Variants in CHODL observed in about 807,000 individuals in gnomAD.
The protein encoded by CHODL is transmembrane protein MT75.
Under a neutral mutation model 34.5 loss-of-function variants are expected in CHODL, and 29 were observed. The observed-to-expected ratio is 0.84, with a 90% CI of 0.63 to 1.15. The LOEUF is 1.15. Ranked by LOEUF, CHODL falls within the 50% of genes most tolerant of loss-of-function variation. CHODL has a pLI of 0.00. For missense variants in CHODL, 332 were observed against 332.5 expected (o/e 1.00, Z 0.01); for synonymous variants, 125 against 116.1 (o/e 1.08, Z -0.49).
chr21:17,977,540 T>G (rs2063673840), intron 1 of CHODL, among the ~76,000 whole-genome samples: 1 of 150,910 alleles, frequency 6.6e-6, no homozygotes, highest in African/African-American at 2.4e-5. Flanking sequence ...TTTTGTATTT[T>G]TAGTAGAGAG....
intron 2 of CHODL, among the ~76,000 whole-genome samples, chr21:18,174,123 G>GTATATATATATATA (rs1159511070): frequency 3.7e-4 from 8 of 21,554 alleles, no homozygotes; most frequent in Non-Finnish European, 5.7e-4. Context: ...ATATCTTGGT[G>GTATATATATATATA]TATATATATA....
At chr21:18,240,096 T>A (rs1441133899), upstream of CHODL, among the ~76,000 whole-genome samples, 1 of 152,072 alleles carries the variant, frequency 6.6e-6, no homozygotes, top group Non-Finnish European at 1.5e-5. Flanking sequence ...TTAACATACG[T>A]ATTGTTTTTC....
intron 1 of CHODL, among the ~76,000 whole-genome samples, chr21:17,995,315 G>T (rs1444815021): frequency 6.6e-6 from 1 of 152,170 alleles, no homozygotes; most frequent in South Asian, 2.1e-4. Flanking sequence ...GGGCCATGGG[G>T]CTCTCCTGTG....
At position 17,938,488 on chromosome 21, in the gene CHODL, TTTTTTA is replaced by T. The variant is rs2063335253; in HGVS notation, c.-145+21089_-145+21094del. On this transcript the variant is annotated intron_variant, in intron 1 of 6. Transcript: ENST00000400127. ...TTTTTTTTTTTTTTTTTTTTTTTTT[TTTTTTA>T]AGGAAAGGGAGTCTCGCTCCATCGC... is the stretch of plus-strand genomic sequence containing the variant. 1.7e-3 allele frequency among the ~76,000 whole-genome samples: 3 copies of T among 1,750 alleles called. 1 individual carries two copies. The highest frequency in any genetic ancestry group is 4.9e-3 in the Admixed American group (1 of 206). The allele number at this position is 1,750 out of a possible 152,430, so 1.1% of individuals were successfully genotyped here.
At chr21:18,058,748 C>T (rs1039227892) in intron 2 of CHODL, among the ~76,000 whole-genome samples, 3 of 152,138 alleles carry the variant, frequency 2.0e-5, no homozygotes, top group Non-Finnish European at 4.4e-5. Context: ...TCATGAGCAT[C>T]TAACATTCTC....
chr21:17,992,381 C>G (rs377628569), intron 1 of CHODL, among the ~76,000 whole-genome samples: 1 of 152,080 alleles, frequency 6.6e-6, no homozygotes, highest in African/African-American at 2.4e-5. Flanking sequence ...TACATTGAAT[C>G]TGTAGATTGC....
chr21:18,204,330 T>C (rs570625162), intron 2 of CHODL, among the ~76,000 whole-genome samples: 35 of 152,266 alleles, frequency 2.3e-4, no homozygotes, highest in African/African-American at 8.2e-4. Flanking sequence ...ACAAATTAAT[T>C]TTTAAAACTT....
chr21:17,931,849 TC>T (rs557796606), intron 1 of CHODL, among the ~76,000 whole-genome samples: 201 of 151,898 alleles, frequency 1.3e-3, no homozygotes, highest in Non-Finnish European at 2.5e-3. Context: ...ACTATGAAAA[TC>T]CTCGAAGAAA....
chr21:18,122,829 G>A (rs183683591), intron 2 of CHODL, among the ~76,000 whole-genome samples: 74 of 152,202 alleles, frequency 4.9e-4, no homozygotes, highest in African/African-American at 1.5e-3. Context: ...TAGTTTGTCC[G>A]TCAGTTTAAA....
intron 1 of CHODL, among the ~76,000 whole-genome samples, chr21:17,948,142 C>T (rs1210785785): frequency 6.6e-6 from 1 of 151,932 alleles, no homozygotes; most frequent in East Asian, 1.9e-4. Flanking sequence ...ACATTGGAAA[C>T]TACAAAAGGT....
At chr21:18,159,234 A>G (rs1052835054) in intron 2 of CHODL, among the ~76,000 whole-genome samples, 17 of 152,350 alleles carry the variant, frequency 1.1e-4, no homozygotes, top group Admixed American at 4.6e-4. Flanking sequence ...CAAAATGTCA[A>G]TATCATCAAG....
intron 2 of CHODL, among the ~76,000 whole-genome samples, chr21:18,041,522 G>C (rs759372087): frequency 6.6e-6 from 1 of 151,582 alleles, no homozygotes; most frequent in Non-Finnish European, 1.5e-5. Flanking sequence ...ATATAAAATT[G>C]GGTTACAGAT....
At chr21:18,205,882 A>T (rs1246706902) in intron 2 of CHODL, among the ~76,000 whole-genome samples, 1 of 152,020 alleles carries the variant, frequency 6.6e-6, no homozygotes, top group African/African-American at 2.4e-5. Flanking sequence ...GATTACAGGA[A>T]TGTGCCACCA....
At chr21:18,113,548 C>A (rs1016285883) in intron 2 of CHODL, among the ~76,000 whole-genome samples, 2 of 152,124 alleles carry the variant, frequency 1.3e-5, no homozygotes, top group African/African-American at 4.8e-5. Flanking sequence ...CAGGCACATC[C>A]CGCATGGCTG....
rs1327060190 is a variant in CHODL, at chr21:18,134,480, A to G, written c.-45+106509A>G. ...CCTTTCCTTCAGACTGAATACATTG[A>G]ACTGTATACAATATAGGTAATATAG... On this transcript the variant is annotated intron_variant, in intron 2 of 6. Transcript: ENST00000400127. 3.8e-5 allele frequency: 17 copies of G among 444,244 alleles called. No individual in the cohort carries two copies. The East Asian group carries it at 8.8e-4, about 23-fold the overall frequency. The allele number at this position is 444,244 out of a possible 1,614,324, so 27.5% of individuals were successfully genotyped here.
chr21:18,205,734 A>G (rs2073704050), intron 2 of CHODL, among the ~76,000 whole-genome samples: 1 of 116,958 alleles, frequency 8.6e-6, no homozygotes, highest in Admixed American at 1.1e-4. Flanking sequence ...ATTAAGGAGT[A>G]TACTTTTTTT....
intron 2 of CHODL, among the ~76,000 whole-genome samples, chr21:18,185,575 G>A (rs1336995254): frequency 6.6e-6 from 1 of 152,126 alleles, no homozygotes; most frequent in African/African-American, 2.4e-5. Flanking sequence ...TAATCCTGGT[G>A]GTGGCTTGTG....
chr21:17,978,666 C>T (rs552038435), intron 1 of CHODL, among the ~76,000 whole-genome samples: 11 of 150,770 alleles, frequency 7.3e-5, no homozygotes, highest in African/African-American at 2.2e-4. Flanking sequence ...TGCAGTGAGC[C>T]GAGATCATGC....
intron 2 of CHODL, among the ~76,000 whole-genome samples, chr21:18,159,790 G>T (rs1388236374): frequency 6.6e-6 from 1 of 152,182 alleles, no homozygotes; most frequent in Non-Finnish European, 1.5e-5. Context: ...TGTGGTCAGA[G>T]AATCAGATAG....
Sources: allele counts gnomAD v4.1 joint callset (sites outside exome capture counted in the v4.1 genomes callset), GRCh38; gene constraint gnomAD v4.1.1; transcripts MANE v1.5; gene names NCBI Gene and HGNC (gene_info 2026-07-23, HGNC 2026-07-21).